The following TTC39C variants were observed in gnomAD, a reference collection of about 807,000 sequenced individuals.
TTC39C encodes the protein tetratricopeptide repeat protein 39C.
TTC39C carries 33 observed loss-of-function variants against 76.3 expected under a neutral mutation model. The ratio of observed to expected loss-of-function variants is 0.43; its 90% CI spans 0.33 to 0.58. TTC39C has a LOEUF of 0.58. Ranked by LOEUF, TTC39C falls within the 20% of genes least tolerant of loss-of-function variation. The pLI is 0.04. For synonymous variants in TTC39C, 254 were observed against 260.6 expected, an observed-to-expected ratio of 0.97 and a Z score of 0.24; for missense variants, 595 against 701.4, an observed-to-expected ratio of 0.85 and a Z score of 1.71.
At chr18:24,046,057 G>T (rs1229133709) in intron 1 of TTC39C, among the ~76,000 whole-genome samples, 7 of 144,956 alleles carry the variant, frequency 4.8e-5, no homozygotes, top group Non-Finnish European at 8.9e-5. Flanking sequence ...TCCTGTCTCA[G>T]CCTCCCGAGT....
intron 1 of TTC39C, among the ~76,000 whole-genome samples, chr18:24,041,160 A>G (rs2145690868): frequency 6.6e-6 from 1 of 152,342 alleles, no homozygotes; most frequent in South Asian, 2.1e-4. Flanking sequence ...ATAGACCCCT[A>G]ATGCCATCAG....
chr18:24,106,045 A>AT (rs2084742048), intron 6 of TTC39C, among the ~76,000 whole-genome samples: 1 of 152,018 alleles, frequency 6.6e-6, no homozygotes, highest in South Asian at 2.1e-4. Flanking sequence ...CTCCCTCTTT[A>AT]TGAGGGAGTC....
upstream of TTC39C, among the ~76,000 whole-genome samples, chr18:24,009,857 A>C (rs146234056): frequency 4.6e-5 from 7 of 152,374 alleles, no homozygotes; most frequent in Admixed American, 3.3e-4. Context: ...GGAGGCGTCC[A>C]ACCCAAAGGG....
At chr18:24,120,830 T>A (rs2084958043) in intron 8 of TTC39C, among the ~76,000 whole-genome samples, 1 of 151,906 alleles carries the variant, frequency 6.6e-6, no homozygotes, top group African/African-American at 2.4e-5. Context: ...TAGCATAATG[T>A]CTTCAAGGTT....
At chr18:24,110,708 C>T (rs1427146351) in intron 6 of TTC39C, among the ~76,000 whole-genome samples, 1 of 152,244 alleles carries the variant, frequency 6.6e-6, no homozygotes, top group Non-Finnish European at 1.5e-5. Flanking sequence ...CTCCATCTTT[C>T]ATAACAATGC....
In TTC39C at chr18:24,014,780, T is replaced by C. The variant is rs2083428914; in HGVS notation, c.-92T>C. The C allele has an allele frequency of 1.7e-6, 2 of 1,149,602 alleles. No homozygotes were observed. The highest frequency in any genetic ancestry group is 1.1e-6 in the Non-Finnish European group (1 of 934,532). 71.2% of individuals were successfully genotyped at this position (1,149,602 alleles called of 1,614,324 possible). A position where few individuals can be genotyped will look rare whatever the true frequency, so the allele number is the denominator to read the frequency against. ...CCCTCCCCTCCCGGCTCCGCTTGGCTCCGGGCAGGTAGAGCCGGGCTCCGG... is the reference window on the plus strand; with the variant it reads ...CCCTCCCCTCCCGGCTCCGCTTGGCCCCGGGCAGGTAGAGCCGGGCTCCGG... On this transcript the variant is annotated 5_prime_UTR_variant, in exon 1 of 14. Coordinates refer to ENST00000317571, the MANE Select transcript of TTC39C (RefSeq NM_001135993.2).
intron 11 of TTC39C, among the ~76,000 whole-genome samples, chr18:24,129,909 T>C (rs770383277): frequency 1.3e-5 from 2 of 152,202 alleles, no homozygotes; most frequent in Non-Finnish European, 2.9e-5. Flanking sequence ...AAATAGCTTA[T>C]TTTAGATCAA....
chr18:24,081,055 CTG>C (rs899573050), intron 5 of TTC39C, 116 bp downstream of exon 5: 3 of 941,318 alleles, frequency 3.2e-6, no homozygotes, highest in African/African-American at 3.3e-5. Context: ...TGACAGGGTG[CTG>C]TGTCTTATGT....
chr18:23,998,724 T>C (rs1027961014), intron 1 of TTC39C, among the ~76,000 whole-genome samples: 1 of 152,196 alleles, frequency 6.6e-6, no homozygotes, highest in African/African-American at 2.4e-5. Flanking sequence ...CATCAATTTG[T>C]GGGCTGAAAT....
chr18:24,114,068 A>G (rs552007298), intron 6 of TTC39C: 6 of 278,974 alleles, frequency 2.2e-5, no homozygotes, highest in Non-Finnish European at 4.1e-5. Context: ...GTAGCGATTG[A>G]GAGACTTCTG....
intron 1 of TTC39C, among the ~76,000 whole-genome samples, chr18:24,046,319 C>A (rs2083884946): frequency 6.6e-6 from 1 of 151,682 alleles, no homozygotes. Flanking sequence ...GATACAGTAA[C>A]TAGTTTATTG....
intron 6 of TTC39C, among the ~76,000 whole-genome samples, chr18:24,093,031 C>T (rs1374527308): frequency 6.6e-6 from 1 of 152,080 alleles, no homozygotes; most frequent in Non-Finnish European, 1.5e-5. Flanking sequence ...AGGCACGAGA[C>T]CCTGTTTCAA....
At chr18:24,031,290 C>T (rs2083667764) in intron 1 of TTC39C, among the ~76,000 whole-genome samples, 2 of 145,058 alleles carry the variant, frequency 1.4e-5, no homozygotes, top group African/African-American at 5.0e-5. Context: ...TCACCTTGCA[C>T]ATAGAAAATT....
chr18:24,048,808 A>G (rs73402286), intron 1 of TTC39C, among the ~76,000 whole-genome samples: 2,868 of 152,308 alleles, frequency 0.019, 80 homozygotes, highest in African/African-American at 0.065. Flanking sequence ...TTCAAAGACT[A>G]GAAGTTATTT....
chr18:23,995,108 C>T (rs2083250755), intron 1 of TTC39C, among the ~76,000 whole-genome samples: 1 of 152,128 alleles, frequency 6.6e-6, no homozygotes, highest in African/African-American at 2.4e-5. Flanking sequence ...TACCTGCCTT[C>T]TCTCTACTAT....
At position 24,083,025 on chromosome 18, in the gene TTC39C, G is replaced by T. The variant is rs762955673; in HGVS notation, c.928G>T (p.Ala310Ser). The change falls in exon 6 of 14, where the codon GCT becomes TCT. Residue 310 changes from alanine (A) to serine (S), a missense_variant. Physicochemically the swap from Ala to Ser is moderately conservative, Grantham distance 99 (BLOSUM62 1). Transcript: ENST00000317571. ...AKEILLKKEA[A>S]YPNSSLFMFF... Reference sequence around the variant, plus strand: ...GGAAATTCTCCTTAAAAAAGAAGCTGCTTATCCAAATTCTTCCCTCTTTAT... The same window carrying T: ...GGAAATTCTCCTTAAAAAAGAAGCTTCTTATCCAAATTCTTCCCTCTTTAT... The T allele has an allele frequency of 1.9e-6, 3 of 1,614,090 alleles. No individual in the cohort carries two copies. In the South Asian group the frequency reaches 3.3e-5, roughly 18 times the overall value.
intron 1 of TTC39C, among the ~76,000 whole-genome samples, chr18:24,003,728 G>C (rs17259569): frequency 0.18 from 27,027 of 151,924 alleles, 2,933 homozygotes; most frequent in East Asian, 0.55. Flanking sequence ...TTGAACAGAG[G>C]AAAACAAAAT....
chr18:24,061,541 A>T (rs143796447), intron 1 of TTC39C, among the ~76,000 whole-genome samples: 1 of 150,196 alleles, frequency 6.7e-6, no homozygotes, highest in Non-Finnish European at 1.5e-5. Flanking sequence ...CATGGTCCAC[A>T]ACTGATTAGG....
chr18:24,081,326 T>A (rs560029524), intron 5 of TTC39C, among the ~76,000 whole-genome samples: 1 of 152,364 alleles, frequency 6.6e-6, no homozygotes, highest in Admixed American at 6.5e-5. Flanking sequence ...ATTCTCACAT[T>A]GGGTAATTTT....
Sources: gnomAD v4.1 joint callset for allele counts (sites outside exome capture counted in the v4.1 genomes callset) on GRCh38, gnomAD v4.1.1 for gene constraint, MANE v1.5 for transcripts, NCBI Gene and HGNC (gene_info 2026-07-23, HGNC 2026-07-21) for gene names.